The following FMO4 variants were observed in gnomAD, a reference collection of about 807,000 sequenced individuals.
The protein encoded by FMO4 is dimethylaniline monooxygenase [N-oxide-forming] 4.
In FMO4, 38 loss-of-function variants were observed where a neutral mutation model predicts 43.3. The ratio of observed to expected loss-of-function variants is 0.88; its 90% CI spans 0.68 to 1.15. The LOEUF is 1.15. Among genes scored for constraint, FMO4 ranks in the 50% most tolerant of loss-of-function variants. FMO4 has a pLI of 0.00. For synonymous variants in FMO4, 224 were observed against 232.2 expected, an observed-to-expected ratio of 0.96 and a Z score of 0.32; for missense variants, 631 against 663.3, an observed-to-expected ratio of 0.95 and a Z score of 0.54.
At chr1:171,317,230 CTT>C (rs1271263020) in intron 2 of FMO4, among the ~76,000 whole-genome samples, 3 of 152,284 alleles carry the variant, frequency 2.0e-5, no homozygotes, top group East Asian at 1.9e-4. Context: ...TATATGCTCT[CTT>C]GTTTCCCCAA....
At position 171,341,439 on chromosome 1, in the gene FMO4, A is replaced by G; in HGVS notation, c.1277A>G (p.Asp426Gly). 1.2e-6 allele frequency: 2 copies of G among 1,613,760 alleles called. No individual in the cohort carries two copies. The highest frequency in any genetic ancestry group is 1.7e-6 in the Non-Finnish European group (2 of 1,179,854). ...KRGVFKDTSK[D>G]KFDYIAYMDD... is the part of the protein sequence containing the mutation. The stretch of plus-strand genomic sequence containing the variant: ...GGAGTGTTTAAAGACACCAGCAAAG[A>G]CAAATTTGACTACATTGCCTACATG... Residue 426 changes from aspartate (D) to glycine (G), a missense_variant, in exon 10 of 10, where the codon GAC becomes GGC. By Grantham distance (94) the Asp-to-Gly change is moderately conservative. Transcript: ENST00000367749.
In FMO4 at chr1:171,336,961, G is replaced by GCACACACA. The variant is rs35512975; in HGVS notation, c.1181-377_1181-370dup. ...CAACTAATAGCTTTAACACAAACATGCACACACACACACACACACACACAC... is the reference window on the plus strand; with the variant it reads ...CAACTAATAGCTTTAACACAAACATGCACACACACACACACACACACACACACACACAC... On this transcript the variant is annotated intron_variant, in intron 8 of 9. Transcript: ENST00000367749. Among the ~76,000 whole-genome samples, 399 of 147,110 alleles carry GCACACACA rather than the reference G, an allele frequency of 2.7e-3. 1 individual carries two copies. Among genetic ancestry groups the GCACACACA allele is most frequent in the African/African-American group, 8.4e-3 (337 of 40,042 alleles).
intron 9 of FMO4, among the ~76,000 whole-genome samples, chr1:171,339,212 C>T (rs1336089491): frequency 6.6e-6 from 1 of 152,178 alleles, no homozygotes; most frequent in Non-Finnish European, 1.5e-5. Flanking sequence ...TGGTCATGTT[C>T]ATTCATTCAA....
At chr1:171,338,467 T>C (rs74560134) in intron 9 of FMO4, among the ~76,000 whole-genome samples, 2,245 of 152,270 alleles carry the variant, frequency 0.015, 28 homozygotes, top group Non-Finnish European at 0.023. Flanking sequence ...AATATTGATA[T>C]GCCCTCACTG....
chr1:171,337,781 T>G (rs1373104570), intron 9 of FMO4, among the ~76,000 whole-genome samples: 1 of 152,110 alleles, frequency 6.6e-6, no homozygotes, highest in Non-Finnish European at 1.5e-5. Context: ...CTCCCAAAAT[T>G]TAGTGAGCTC....
intron 5 of FMO4, 22 bp downstream of exon 5, chr1:171,324,322 C>T (rs764760214): frequency 1.3e-6 from 2 of 1,583,208 alleles, no homozygotes; most frequent in Admixed American, 3.5e-5. Flanking sequence ...CTACCTGAGA[C>T]CATGCCTATG....
At chr1:171,323,370 A>C (rs1662519937) in intron 4 of FMO4, among the ~76,000 whole-genome samples, 178 bp downstream of exon 4, 1 of 152,166 alleles carries the variant, frequency 6.6e-6, no homozygotes, top group Admixed American at 6.6e-5. Flanking sequence ...AATCGTTAAA[A>C]TACTGAATTG....
chr1:171,337,908 G>C (rs1249358440), intron 9 of FMO4, among the ~76,000 whole-genome samples: 1 of 152,050 alleles, frequency 6.6e-6, no homozygotes, highest in East Asian at 1.9e-4. Context: ...CTGTGTCTCT[G>C]ACTCAAATCT....
chr1:171,317,095 A>G (rs1037376490), intron 2 of FMO4, among the ~76,000 whole-genome samples: 6 of 152,188 alleles, frequency 3.9e-5, no homozygotes, highest in African/African-American at 1.4e-4. Context: ...GCATGTTCAC[A>G]TCTTGGTTTC....
At position 171,341,818 on chromosome 1, in the gene FMO4, A is replaced by G. The variant is rs746838870; in HGVS notation, c.1656A>G (p.Leu552=). 4.3e-6 allele frequency: 7 copies of G among 1,612,352 alleles called. No individual in the cohort carries two copies. The Admixed American group carries it at 1.0e-4, about 23-fold the overall frequency. ...DKLQDRMSPY[L]VSLWRG ...TACAGGACAGAATGTCCCCTTACCT[A>G]GTAAGTCTTTGGCGAGGATGAACCT... The change falls in exon 10 of 10, where the codon CTA becomes CTG. Residue 552 remains leucine, a synonymous_variant. Coordinates refer to ENST00000367749, the MANE Select transcript of FMO4 (RefSeq NM_002022.3).
In FMO4 at chr1:171,322,970, T is replaced by C. The variant is rs1369739762; in HGVS notation, c.133-34T>C. 4.5e-6 allele frequency: 7 copies of C among 1,554,494 alleles called. No homozygotes were observed. In the South Asian group the frequency reaches 7.8e-5, roughly 17 times the overall value. ...CTCTGTTCTCTTCCTCCTATCTCCA[T>C]TATCCCAACAAGCTAACTATGCCTT... On this transcript the variant is annotated intron_variant, in intron 3 of 9. Coordinates refer to ENST00000367749, the MANE Select transcript of FMO4 (RefSeq NM_002022.3).
intron 5 of FMO4, among the ~76,000 whole-genome samples, chr1:171,328,240 G>T (rs1319162833): frequency 1.3e-5 from 2 of 152,072 alleles, no homozygotes; most frequent in East Asian, 3.9e-4. Context: ...ATGAGGTTTC[G>T]CCATGTTGGC....
intron 5 of FMO4, among the ~76,000 whole-genome samples, chr1:171,325,671 T>C (rs1176026322): frequency 1.3e-5 from 2 of 151,962 alleles, no homozygotes; most frequent in African/African-American, 4.8e-5. Flanking sequence ...TAAAGGAATA[T>C]AAAAACACCT....
chr1:171,315,627 A>G (rs1194997854), intron 1 of FMO4, among the ~76,000 whole-genome samples: 2 of 152,198 alleles, frequency 1.3e-5, no homozygotes, highest in East Asian at 1.9e-4. Flanking sequence ...CAGATCTCTC[A>G]ATTTCCAGTT....
At chr1:171,338,034 C>G (rs1445726039) in intron 9 of FMO4, among the ~76,000 whole-genome samples, 4 of 152,172 alleles carry the variant, frequency 2.6e-5, no homozygotes, top group Admixed American at 2.6e-4. Context: ...CCTCCGCCCC[C>G]CATCTGCCCT....
Position 171,316,220 on chromosome 1 carries a change from C to T in FMO4, c.-116C>T, listed in dbSNP as rs1432057095. ...ACAGCAAAGATCTGCCAGCCCCAGG[C>T]CTCTACCTAGTGGCCTGGAAATTCA... On this transcript the variant is annotated 5_prime_UTR_variant, in exon 2 of 10. Coordinates refer to ENST00000367749, the MANE Select transcript of FMO4 (RefSeq NM_002022.3). 4.6e-5 allele frequency: 7 copies of T among 152,140 alleles called. No homozygotes were observed. Among genetic ancestry groups the T allele is most frequent in the Non-Finnish European group, 8.8e-5 (6 of 68,020 alleles). 9.4% of individuals were successfully genotyped at this position (152,140 alleles called of 1,614,324 possible). A position where few individuals can be genotyped will look rare whatever the true frequency, so the allele number is the denominator to read the frequency against.
In FMO4 at chr1:171,324,027, T is replaced by C. The variant is rs1011760592; in HGVS notation, c.322-111T>C. 9 of 918,498 alleles carry C rather than the reference T, an allele frequency of 9.8e-6. No individual in the cohort carries two copies. In the African/African-American group the frequency reaches 1.5e-4, roughly 15 times the overall value. 56.9% of individuals were successfully genotyped at this position (918,498 alleles called of 1,614,324 possible). On this transcript the variant is annotated intron_variant, in intron 4 of 9. Coordinates refer to ENST00000367749, the MANE Select transcript of FMO4 (RefSeq NM_002022.3). ...GATGATAAATCAATATTAATAGACC[T>C]CCTGTCATGGGACTTGGCCTACTAA...
At chr1:171,333,177 TTTGTTG>T (rs565862338) in intron 7 of FMO4, 3 of 304,848 alleles carry the variant, frequency 9.8e-6, no homozygotes, top group South Asian at 4.3e-5. Context: ...ATCACATATT[TTTGTTG>T]TTGTTGTTGT....
Position 171,334,410 on chromosome 1 carries a change from G to A in FMO4, c.828-1G>A, listed in dbSNP as rs1364132623. The A allele has an allele frequency of 7.1e-6, 11 of 1,556,056 alleles. No individual in the cohort carries two copies. The highest frequency in any genetic ancestry group is 2.3e-5 in the East Asian group (1 of 44,234). On this transcript the variant is annotated splice_acceptor_variant, in intron 7 of 9. Coordinates refer to ENST00000367749, the MANE Select transcript of FMO4 (RefSeq NM_002022.3). LOFTEE classifies it high-confidence loss of function. ...GAATAATTTTCTCCTGTGTGTCAAAGGAAAAAAGCAAAATTCATTGTGAAT... is the reference window on the plus strand; with the variant it reads ...GAATAATTTTCTCCTGTGTGTCAAAAGAAAAAAGCAAAATTCATTGTGAAT...
Sources: allele counts gnomAD v4.1 joint callset (sites outside exome capture counted in the v4.1 genomes callset), GRCh38; gene constraint gnomAD v4.1.1; transcripts MANE v1.5; gene names NCBI Gene and HGNC (gene_info 2026-07-23, HGNC 2026-07-21).